Variants in ARHGAP29 observed in about 807,000 individuals in gnomAD.
The protein encoded by ARHGAP29 is rho GTPase-activating protein 29.
A neutral mutation model predicts 122.6 loss-of-function variants in ARHGAP29; 43 were observed. The observed-to-expected ratio is 0.35, with a 90% CI of 0.27 to 0.45. The LOEUF (loss-of-function observed/expected upper bound fraction) is 0.45, where lower values mean the gene tolerates loss of function less well. Ranked by LOEUF, ARHGAP29 falls within the 20% of genes least tolerant of loss-of-function variation. ARHGAP29 has a pLI of 1.00. For missense variants in ARHGAP29, 1,303 were observed against 1,477.2 expected (o/e 0.88, Z 1.93); for synonymous variants, 506 against 497.1 (o/e 1.02, Z -0.24).
At chr1:94,312,450 A>C in the ARHGAP29 span, among the ~76,000 whole-genome samples, 1 of 116,170 alleles carries the variant, frequency 8.6e-6, no homozygotes, top group African/African-American at 3.2e-5. Context: ...TTTTTTTTTG[A>C]AGACAGAGTC....
At chr1:94,193,733 T>C (rs930215491) in intron 12 of ARHGAP29, 1 of 152,206 alleles carries the variant, frequency 6.6e-6, no homozygotes, top group Non-Finnish European at 1.5e-5. Flanking sequence ...AAAGACATTC[T>C]CATATGAAAC....
intron 1 of ARHGAP29, among the ~76,000 whole-genome samples, chr1:94,263,666 C>T (rs951287758): frequency 5.9e-5 from 9 of 152,086 alleles, no homozygotes; most frequent in African/African-American, 1.9e-4. Flanking sequence ...TATATAATAT[C>T]ACTATCCGTG....
upstream of ARHGAP29, among the ~76,000 whole-genome samples, chr1:94,278,460 AGATTCATGTAAACATGTCTT>A (rs1344854683): frequency 6.6e-6 from 1 of 152,236 alleles, no homozygotes; most frequent in Admixed American, 6.5e-5. Context: ...TCATAAAATG[AGATTCATGTAAACATGTCTT>A]TTATGGAGAA....
chr1:94,257,479 G>A (rs978805047), intron 1 of ARHGAP29, among the ~76,000 whole-genome samples: 3 of 152,122 alleles, frequency 2.0e-5, no homozygotes, highest in African/African-American at 7.2e-5. Flanking sequence ...AGGCTAAAAT[G>A]GGAGGACTGC....
chr1:94,250,780 G>A (rs1190914046), intron 1 of ARHGAP29, among the ~76,000 whole-genome samples: 2 of 152,204 alleles, frequency 1.3e-5, no homozygotes, highest in Non-Finnish European at 2.9e-5. Context: ...TCATACTCAT[G>A]TTACGTCCAA....
At position 94,171,460 on chromosome 1, in the gene ARHGAP29, C is replaced by T. The variant is rs1321054749; in HGVS notation, c.*2409G>A. Among the ~76,000 whole-genome samples, 1 of 152,200 alleles carries T rather than the reference C, an allele frequency of 6.6e-6. No individual in the cohort carries two copies. The highest frequency in any genetic ancestry group is 1.5e-5 in the Non-Finnish European group (1 of 68,036). On this transcript the variant is annotated 3_prime_UTR_variant, in exon 23 of 23. Coordinates refer to ENST00000260526, the MANE Select transcript of ARHGAP29 (RefSeq NM_004815.4). ...CTTGGACAATACGCCTCCCACAAGGCTTCCTGGTGTTCTGGCAGCACTAAC... is the reference window on the plus strand; with the variant it reads ...CTTGGACAATACGCCTCCCACAAGGTTTCCTGGTGTTCTGGCAGCACTAAC...
chr1:94,201,642 G>A, intron 12 of ARHGAP29, 78 bp downstream of exon 12: 1 of 1,559,720 alleles, frequency 6.4e-7, no homozygotes, highest in Non-Finnish European at 8.7e-7. Flanking sequence ...CAAAGTGCTG[G>A]GATTACAGGT....
At chr1:94,289,500 T>C in the ARHGAP29 span, among the ~76,000 whole-genome samples, 1 of 152,252 alleles carries the variant, frequency 6.6e-6, no homozygotes, top group African/African-American at 2.4e-5. Context: ...CCTTGCCTGA[T>C]TGCCCTGGCC....
the ARHGAP29 span, among the ~76,000 whole-genome samples, chr1:94,298,414 G>T: frequency 6.6e-6 from 1 of 152,118 alleles, no homozygotes; most frequent in Admixed American, 6.5e-5. Flanking sequence ...ATTATTTATT[G>T]TTCCATGGGA....
rs550757597 is a variant in ARHGAP29 at position 94,250,930 on chromosome 1, T to G, written c.-32-19287A>C. The stretch of plus-strand genomic sequence containing the variant: ...GTCTTAGTAATATGTATAAGGTAAC[T>G]CCCCTAATAATTAATGATCAGTGCC... On this transcript the variant is annotated intron_variant and NMD_transcript_variant, in intron 1 of 25. Transcript: ENST00000552844. Among the ~76,000 whole-genome samples, 18 of 152,068 alleles carry G rather than the reference T, an allele frequency of 1.2e-4. No individual in the cohort carries two copies. The South Asian group carries it at 3.7e-3, about 32-fold the overall frequency.
the ARHGAP29 span, among the ~76,000 whole-genome samples, chr1:94,305,476 C>A: frequency 6.6e-6 from 1 of 152,094 alleles, no homozygotes; most frequent in Non-Finnish European, 1.5e-5. Context: ...AGGTAAGGAC[C>A]AGAACTTGAA....
At chr1:94,298,909 C>T in the ARHGAP29 span, among the ~76,000 whole-genome samples, 2 of 152,222 alleles carry the variant, frequency 1.3e-5, no homozygotes, top group Non-Finnish European at 2.9e-5. Context: ...ACATTCTCAG[C>T]TCTAGTTTGG....
At chr1:94,288,286 A>G in the ARHGAP29 span, among the ~76,000 whole-genome samples, 1 of 152,188 alleles carries the variant, frequency 6.6e-6, no homozygotes, top group Non-Finnish European at 1.5e-5. Flanking sequence ...TTGGCTGCAT[A>G]AATGTGTTTT....
rs1654636336 is a variant in ARHGAP29, at chr1:94,263,389, AAAAGTT to A, written c.-33+11617_-33+11622del. Among the ~76,000 whole-genome samples the A allele has an allele frequency of 3.2e-5, 3 of 94,120 alleles. No individual in the cohort carries two copies. The South Asian group carries it at 9.8e-4, about 31-fold the overall frequency. The allele number at this position is 94,120 out of a possible 152,430, so 61.7% of individuals were successfully genotyped here. A position where few individuals can be genotyped will look rare whatever the true frequency, so the allele number is the denominator to read the frequency against. ...AACCTGCACATGTACTCCTGAACTT[AAAAGTT>A]AAAAAAAAAAAGGTTTGGGGTCTTG... On this transcript the variant is annotated intron_variant and NMD_transcript_variant, in intron 1 of 25. Coordinates refer to the ARHGAP29 transcript ENST00000552844.
At chr1:94,242,322 T>C (rs1249193804), upstream of ARHGAP29, among the ~76,000 whole-genome samples, 1 of 152,132 alleles carries the variant, frequency 6.6e-6, no homozygotes, top group Non-Finnish European at 1.5e-5. Context: ...AACTATACTC[T>C]AGCCACACCC....
chr1:94,254,498 T>A (rs1038364864), intron 1 of ARHGAP29, among the ~76,000 whole-genome samples: 2 of 152,204 alleles, frequency 1.3e-5, no homozygotes, highest in Non-Finnish European at 2.9e-5. Context: ...AGGTGAGAAA[T>A]GCTTTAGATC....
chr1:94,295,262 G>A, the ARHGAP29 span, among the ~76,000 whole-genome samples: 1 of 152,182 alleles, frequency 6.6e-6, no homozygotes, highest in African/African-American at 2.4e-5. Context: ...ATTTTGCCAA[G>A]TGGGTATATA....
At chr1:94,267,200 T>G (rs1030416501) in intron 1 of ARHGAP29, among the ~76,000 whole-genome samples, 1 of 152,226 alleles carries the variant, frequency 6.6e-6, no homozygotes, top group African/African-American at 2.4e-5. Context: ...AGTAGAAAAC[T>G]GGGACCTTAT....
chr1:94,296,985 A>G, the ARHGAP29 span, among the ~76,000 whole-genome samples: 1 of 152,168 alleles, frequency 6.6e-6, no homozygotes, highest in African/African-American at 2.4e-5. Flanking sequence ...ATCTATTGAG[A>G]CATAGTGCAG....
Sources: gnomAD v4.1 joint callset for allele counts (sites outside exome capture counted in the v4.1 genomes callset) on GRCh38, gnomAD v4.1.1 for gene constraint, MANE v1.5 for transcripts, NCBI Gene and HGNC (gene_info 2026-07-23, HGNC 2026-07-21) for gene names.